Variants in INPP5A observed in about 807,000 individuals in gnomAD.
The protein encoded by INPP5A is inositol polyphosphate-5-phosphatase A.
A neutral mutation model predicts 65.2 loss-of-function variants in INPP5A; 14 were observed. The observed-to-expected ratio is 0.21, with a 90% CI of 0.14 to 0.34. INPP5A has a LOEUF of 0.34. Among genes scored for constraint, INPP5A ranks in the 10% least tolerant of loss-of-function variants. INPP5A has a pLI of 1.00. For missense variants in INPP5A, 431 were observed against 545.6 expected (o/e 0.79, Z 2.09); for synonymous variants, 207 against 208.3 (o/e 0.99, Z 0.05).
rs371991298 is a variant in INPP5A at position 132,783,092 on chromosome 10, C to T, written c.*1063C>T. 5.9e-5 allele frequency: 9 copies of T among 152,372 alleles called. No homozygotes were observed. The highest frequency in any genetic ancestry group is 9.7e-5 in the African/African-American group (4 of 41,430). 9.4% of individuals were successfully genotyped at this position (152,372 alleles called of 1,614,324 possible). On this transcript the variant is annotated 3_prime_UTR_variant, in exon 16 of 16. Transcript: ENST00000368594. Reference sequence around the variant, plus strand: ...AAAACTGTACATTTCCTCATTGCTCCGCTACAGACAACCCATGTCATAACC... The same window carrying T: ...AAAACTGTACATTTCCTCATTGCTCTGCTACAGACAACCCATGTCATAACC...
chr10:132,645,943 A>G lies in INPP5A; in HGVS notation c.193A>G (p.Met65Val). Reference protein sequence around the residue: ...EFGGKNYEASMSHVDKFVKEL... With the variant: ...EFGGKNYEASVSHVDKFVKEL... Reference sequence around the variant, plus strand: ...TGGAGGGAAGAACTACGAGGCCTCCATGTCCCACGTGGACAAGTTCGTCAA... The same window carrying G: ...TGGAGGGAAGAACTACGAGGCCTCCGTGTCCCACGTGGACAAGTTCGTCAA... Residue 65 changes from methionine to valine, a missense_variant, in exon 3 of 16, where the codon ATG becomes GTG. Coordinates refer to ENST00000368594, the MANE Select transcript of INPP5A (RefSeq NM_005539.5). 1 of 1,613,856 alleles carries G rather than the reference A, an allele frequency of 6.2e-7. No individual in the cohort carries two copies. Among genetic ancestry groups the G allele is most frequent in the Non-Finnish European group, 8.5e-7 (1 of 1,179,824 alleles).
intron 8 of INPP5A, among the ~76,000 whole-genome samples, chr10:132,716,607 C>T (rs529278059): frequency 1.4e-3 from 211 of 152,306 alleles, no homozygotes; most frequent in Non-Finnish European, 2.0e-3. Flanking sequence ...TCTCCACTCC[C>T]GCTGGTCCTT....
chr10:132,610,617 A>C (rs775817771), intron 2 of INPP5A, among the ~76,000 whole-genome samples: 3 of 152,220 alleles, frequency 2.0e-5, no homozygotes, highest in Non-Finnish European at 4.4e-5. Context: ...GGGCTGCTCC[A>C]GGGTCTGCAG....
At chr10:132,726,624 A>G (rs1039501269) in intron 8 of INPP5A, among the ~76,000 whole-genome samples, 197 bp from the exon 9 acceptor site, 1 of 151,940 alleles carries the variant, frequency 6.6e-6, no homozygotes. Context: ...AGGGCTGAGC[A>G]CTGCTCAGTG....
intron 1 of INPP5A, among the ~76,000 whole-genome samples, chr10:132,548,765 T>C (rs957220622): frequency 6.6e-6 from 1 of 151,780 alleles, no homozygotes; most frequent in African/African-American, 2.4e-5. Context: ...TGTATTGATA[T>C]GCTTTGCATA....
At chr10:132,652,070 C>G (rs1024039957) in intron 4 of INPP5A, among the ~76,000 whole-genome samples, 1 of 152,206 alleles carries the variant, frequency 6.6e-6, no homozygotes, top group African/African-American at 2.4e-5. Context: ...TCCCTCCTCC[C>G]TACCAGCTTC....
chr10:132,582,029 G>A (rs34460796), intron 1 of INPP5A, among the ~76,000 whole-genome samples: 11,036 of 151,858 alleles, frequency 0.073, 533 homozygotes, highest in Non-Finnish European at 0.11. Flanking sequence ...TAGTAGAGAC[G>A]GGGGTTTCAC....
intron 2 of INPP5A, among the ~76,000 whole-genome samples, chr10:132,614,779 A>G (rs955039826): frequency 2.0e-5 from 3 of 152,238 alleles, no homozygotes; most frequent in Non-Finnish European, 2.9e-5. Flanking sequence ...AGAGGACTCC[A>G]TCCCCATGAA....
chr10:132,554,278 A>C (rs1025898814), intron 1 of INPP5A, among the ~76,000 whole-genome samples: 1 of 152,160 alleles, frequency 6.6e-6, no homozygotes, highest in Non-Finnish European at 1.5e-5. Flanking sequence ...GGCTGTGGTC[A>C]CCGGCTTCCC....
At chr10:132,605,893 G>A (rs573160637) in intron 1 of INPP5A, among the ~76,000 whole-genome samples, 1 of 152,288 alleles carries the variant, frequency 6.6e-6, no homozygotes, top group Admixed American at 6.5e-5. Context: ...TAAACAGTCA[G>A]CAAACACGGA....
intron 3 of INPP5A, among the ~76,000 whole-genome samples, chr10:132,649,901 T>C (rs1330760099): frequency 6.6e-6 from 1 of 151,956 alleles, no homozygotes; most frequent in African/African-American, 2.4e-5. Flanking sequence ...TGTCCAGAGG[T>C]CCTTTCCCTC....
At chr10:132,655,005 G>T (rs1322364162) in intron 4 of INPP5A, among the ~76,000 whole-genome samples, 1 of 152,270 alleles carries the variant, frequency 6.6e-6, no homozygotes, top group Non-Finnish European at 1.5e-5. Flanking sequence ...GCTCACGCCG[G>T]TAATCCCAGC....
chr10:132,646,210 G>C (rs1268195147), intron 3 of INPP5A, among the ~76,000 whole-genome samples: 2 of 152,230 alleles, frequency 1.3e-5, no homozygotes, highest in East Asian at 3.8e-4. Flanking sequence ...GCGAGGGTCT[G>C]TGCTCTCGGG....
intron 1 of INPP5A, among the ~76,000 whole-genome samples, chr10:132,585,294 A>T (rs1265377189): frequency 6.6e-6 from 1 of 152,242 alleles, no homozygotes; most frequent in South Asian, 2.1e-4. Flanking sequence ...GTCCTCCCTC[A>T]TCCATGGTTT....
At chr10:132,736,815 C>A (rs920134605) in intron 9 of INPP5A, among the ~76,000 whole-genome samples, 1 of 152,280 alleles carries the variant, frequency 6.6e-6, no homozygotes, top group Admixed American at 6.5e-5. Context: ...GTCATGGCCC[C>A]CCACAGCCCC....
chr10:132,622,137 A>G (rs2072118414), intron 2 of INPP5A, among the ~76,000 whole-genome samples: 1 of 152,032 alleles, frequency 6.6e-6, no homozygotes, highest in Non-Finnish European at 1.5e-5. Context: ...TATTTACAAT[A>G]GCAGTAAAAT....
intron 2 of INPP5A, among the ~76,000 whole-genome samples, chr10:132,642,351 C>T (rs936807619): frequency 2.0e-5 from 3 of 152,202 alleles, no homozygotes; most frequent in African/African-American, 7.2e-5. Context: ...CTTCTCCACG[C>T]GGTTCGCCGG....
intron 11 of INPP5A, among the ~76,000 whole-genome samples, chr10:132,756,278 G>A (rs1232408732): frequency 6.6e-6 from 1 of 152,086 alleles, no homozygotes; most frequent in Non-Finnish European, 1.5e-5. Flanking sequence ...GTGTACGCAT[G>A]CGTGTGCATG....
At chr10:132,686,581 G>A (rs2073115967) in intron 4 of INPP5A, among the ~76,000 whole-genome samples, 2 of 152,132 alleles carry the variant, frequency 1.3e-5, no homozygotes, top group South Asian at 4.2e-4. Context: ...AAAAAGTTGG[G>A]TCGAACTTTG....
Sources: allele counts gnomAD v4.1 joint callset (sites outside exome capture counted in the v4.1 genomes callset), GRCh38; gene constraint gnomAD v4.1.1; transcripts MANE v1.5; gene names NCBI Gene and HGNC (gene_info 2026-07-23, HGNC 2026-07-21).